EDA: variants seen among roughly 807,000 people sequenced by gnomAD.
EDA encodes ectodysplasin-A.
A neutral mutation model predicts 23.6 loss-of-function variants in EDA; 2 were observed. The observed-to-expected ratio is 0.08, with a 90% CI of 0.03 to 0.27. The LOEUF is 0.27. Ranked by LOEUF, EDA falls within the 10% of genes least tolerant of loss-of-function variation. EDA has a pLI of 1.00. For synonymous variants in EDA, 131 were observed against 132.0 expected (o/e 0.99, Z 0.05); for missense variants, 229 against 324.2 (o/e 0.71, Z 2.26).
In EDA at chrX:69,674,952, T is replaced by C. The variant is rs371559730; in HGVS notation, c.396+58248T>C. Reference sequence around the variant, plus strand: ...TGAAGTGTAACCTTTCCCAAGGTTCTGTCCTGTCCCCTCCAACACTATTAT... The same window carrying C: ...TGAAGTGTAACCTTTCCCAAGGTTCCGTCCTGTCCCCTCCAACACTATTAT... On this transcript the variant is annotated intron_variant, in intron 1 of 7. Coordinates refer to ENST00000374552, the MANE Select transcript of EDA (RefSeq NM_001399.5). Among the ~76,000 whole-genome samples the C allele has an allele frequency of 7.1e-5, 8 of 111,997 alleles. No homozygotes were observed. The East Asian group carries it at 1.1e-3, about 16-fold the overall frequency.
At chrX:69,823,059 G>C (rs768052260) in intron 1 of EDA, among the ~76,000 whole-genome samples, 1 of 97,842 alleles carries the variant, frequency 1.0e-5, no homozygotes, top group Non-Finnish European at 2.0e-5. Context: ...GTATTCCATG[G>C]TGTATATGTG....
chrX:69,730,724 G>C (rs1268193652), intron 1 of EDA, among the ~76,000 whole-genome samples: 3 of 111,814 alleles, frequency 2.7e-5, no homozygotes, highest in African/African-American at 9.8e-5. Flanking sequence ...AAATTGCTCA[G>C]TGCTGTGCTT....
At chrX:69,654,803 G>C (rs113236180) in intron 1 of EDA, among the ~76,000 whole-genome samples, 1,265 of 92,739 alleles carry the variant, frequency 0.014, 29 homozygotes, top group African/African-American at 0.048. Context: ...GTTGTGGGGT[G>C]GGGGGAGGGG....
At chrX:69,736,859 T>G (rs1295076784) in intron 1 of EDA, among the ~76,000 whole-genome samples, 2 of 105,067 alleles carry the variant, frequency 1.9e-5, no homozygotes, top group African/African-American at 3.5e-5. Context: ...GCAACCTTAG[T>G]CTCCTGGATT....
chrX:69,871,945 A>C (rs188280329), intron 1 of EDA, among the ~76,000 whole-genome samples: 1 of 112,040 alleles, frequency 8.9e-6, no homozygotes, highest in Non-Finnish European at 1.9e-5. Flanking sequence ...GTACATAGTC[A>C]TCAGGTTATC....
intron 1 of EDA, among the ~76,000 whole-genome samples, chrX:69,657,091 G>T (rs1380177217): frequency 8.9e-6 from 1 of 111,880 alleles, no homozygotes; most frequent in Non-Finnish European, 1.9e-5. Context: ...TTTCACAGGG[G>T]CTGAACTAAT....
At chrX:69,703,105 G>A (rs186089667) in intron 1 of EDA, among the ~76,000 whole-genome samples, 6 of 111,268 alleles carry the variant, frequency 5.4e-5, no homozygotes, top group African/African-American at 1.3e-4. Flanking sequence ...AATTGTCACC[G>A]CTGCCTTTTT....
At chrX:69,964,281 C>T (rs1020071156) in intron 2 of EDA, among the ~76,000 whole-genome samples, 2 of 110,962 alleles carry the variant, frequency 1.8e-5, no homozygotes, top group Non-Finnish European at 3.8e-5. Flanking sequence ...GTAAGAGATC[C>T]AAAAGCATAT....
At chrX:69,786,078 C>A (rs756036287) in intron 1 of EDA, among the ~76,000 whole-genome samples, 1 of 108,385 alleles carries the variant, frequency 9.2e-6, no homozygotes, top group East Asian at 2.8e-4. Flanking sequence ...AGTTTATTTG[C>A]GTAGAGGTGT....
chrX:70,025,934 T>C (rs897590024), intron 3 of EDA, among the ~76,000 whole-genome samples: 11 of 111,498 alleles, frequency 9.9e-5, no homozygotes, highest in Non-Finnish European at 1.5e-4. Context: ...CAAATGCAGA[T>C]GTGGTTAGAC....
At chrX:69,713,924 T>TG (rs1491236426) in intron 1 of EDA, among the ~76,000 whole-genome samples, 26 of 14,444 alleles carry the variant, frequency 1.8e-3, no homozygotes, top group Non-Finnish European at 2.5e-3. Flanking sequence ...GCATGTTTAG[T>TG]TTTTTTTTTT....
intron 1 of EDA, among the ~76,000 whole-genome samples, chrX:69,722,134 C>CT (rs1363903773): frequency 2.7e-5 from 3 of 111,763 alleles, no homozygotes; most frequent in Non-Finnish European, 5.6e-5. Context: ...TCTTCTGTCT[C>CT]TCTGTTTTCA....
intron 1 of EDA, among the ~76,000 whole-genome samples, chrX:69,748,587 T>A (rs1415280620): frequency 1.8e-5 from 2 of 111,780 alleles, no homozygotes; most frequent in South Asian, 3.7e-4. Context: ...AAAGGCATCT[T>A]TAGGATAATC....
At chrX:69,655,787 T>TATATATATATATATATATA (rs6151315) in intron 1 of EDA, among the ~76,000 whole-genome samples, 158 of 88,256 alleles carry the variant, frequency 1.8e-3, no homozygotes, top group East Asian at 0.01. Flanking sequence ...TATATATATA[T>TATATATATATATATATATA]TGCACTTTGT....
intron 2 of EDA, chrX:69,957,468 G>T: frequency 1.5e-5 from 2 of 136,212 alleles, no homozygotes; most frequent in Non-Finnish European, 2.5e-5. Flanking sequence ...GACAGTGCGA[G>T]ACTCCATCTC....
intron 1 of EDA, among the ~76,000 whole-genome samples, chrX:69,755,412 C>A (rs1406060242): frequency 2.7e-5 from 3 of 111,472 alleles, no homozygotes; most frequent in South Asian, 7.5e-4. Context: ...GCTGCCTGAT[C>A]CTTCCTCTGG....
chrX:69,808,424 AG>A (rs2015865405), intron 1 of EDA, among the ~76,000 whole-genome samples: 1 of 111,575 alleles, frequency 9.0e-6, no homozygotes, highest in African/African-American at 3.3e-5. Context: ...CCTAAGCTTT[AG>A]TGTTCAGACT....
intron 1 of EDA, among the ~76,000 whole-genome samples, chrX:69,935,029 A>ATT (rs1427060384): frequency 8.9e-6 from 1 of 111,777 alleles, no homozygotes; most frequent in Non-Finnish European, 1.9e-5. Flanking sequence ...TTTAGCTCCC[A>ATT]CAAATGTGTG....
intron 1 of EDA, among the ~76,000 whole-genome samples, chrX:69,931,568 C>T (rs773128411): frequency 1.8e-5 from 2 of 110,976 alleles, no homozygotes; most frequent in Non-Finnish European, 3.8e-5. Context: ...AGACACTTCA[C>T]TAAAGAAGAT....
Sources: gnomAD v4.1 joint callset for allele counts (sites outside exome capture counted in the v4.1 genomes callset) on GRCh38, gnomAD v4.1.1 for gene constraint, MANE v1.5 for transcripts, NCBI Gene and HGNC (gene_info 2026-07-23, HGNC 2026-07-21) for gene names.